HELZ: variants seen among roughly 807,000 people sequenced by gnomAD.
The protein encoded by HELZ is helicase with zinc finger.
Under a neutral mutation model 218.2 loss-of-function variants are expected in HELZ, and 23 were observed. The ratio of observed to expected loss-of-function variants is 0.11; its 90% confidence interval spans 0.08 to 0.15. HELZ has a LOEUF of 0.15. HELZ is among the 10% of genes least tolerant of loss of function. The pLI is 1.00. For synonymous variants in HELZ, 814 were observed against 829.4 expected (o/e 0.98, Z 0.32); for missense variants, 1,813 against 2,353.7 (o/e 0.77, Z 4.75).
Position 67,174,601 on chromosome 17 carries a change from C to A in HELZ, c.1430+4058G>T, listed in dbSNP as rs2039402916. Among the ~76,000 whole-genome samples the A allele has an allele frequency of 3.3e-5, 5 of 152,190 alleles. No individual in the cohort carries two copies. The South Asian group carries it at 1.0e-3, about 32-fold the overall frequency. On this transcript the variant is annotated intron_variant, in intron 13 of 32. Coordinates refer to ENST00000358691, the MANE Select transcript of HELZ (RefSeq NM_014877.4). Reference sequence around the variant, plus strand: ...ATCACCTGAGGTCAGGAGTTCAAGACCAGCCTGGCCAACATGGTGAAACCC... The same window carrying A: ...ATCACCTGAGGTCAGGAGTTCAAGAACAGCCTGGCCAACATGGTGAAACCC...
At chr17:67,092,386 C>T (rs1487877419) in intron 31 of HELZ, among the ~76,000 whole-genome samples, 2 of 151,798 alleles carry the variant, frequency 1.3e-5, no homozygotes, top group Non-Finnish European at 2.9e-5. Flanking sequence ...CAGAGGCTTG[C>T]CAACTAATAT....
At chr17:67,125,878 A>G (rs2143861640) in intron 24 of HELZ, among the ~76,000 whole-genome samples, 1 of 152,352 alleles carries the variant, frequency 6.6e-6, no homozygotes, top group East Asian at 1.9e-4. Context: ...AGGAAGTAAG[A>G]GAGATTCCCA....
chr17:67,232,359 G>A (rs1049771700), intron 3 of HELZ, among the ~76,000 whole-genome samples: 3 of 152,036 alleles, frequency 2.0e-5, no homozygotes, highest in Non-Finnish European at 2.9e-5. Flanking sequence ...TCACCATGTC[G>A]GCCAGGCCGG....
chr17:67,100,320 G>A (rs1002919288), intron 31 of HELZ, among the ~76,000 whole-genome samples: 1 of 152,166 alleles, frequency 6.6e-6, no homozygotes, highest in African/African-American at 2.4e-5. Context: ...ATAGTTCAAA[G>A]CAGACACATC....
intron 32 of HELZ, among the ~76,000 whole-genome samples, chr17:67,078,929 G>GAT (rs1325480637): frequency 1.3e-5 from 2 of 152,212 alleles, no homozygotes; most frequent in Non-Finnish European, 2.9e-5. Context: ...ACAGGCACAT[G>GAT]CTCTCTCTTA....
intron 31 of HELZ, among the ~76,000 whole-genome samples, chr17:67,094,102 G>A (rs967389226): frequency 1.3e-5 from 2 of 152,102 alleles, no homozygotes; most frequent in Admixed American, 6.6e-5. Flanking sequence ...TGGGCAGAGT[G>A]CTTAAGTTCA....
At chr17:67,234,836 C>G (rs2041135542) in intron 3 of HELZ, among the ~76,000 whole-genome samples, 1 of 152,046 alleles carries the variant, frequency 6.6e-6, no homozygotes, top group African/African-American at 2.4e-5. Flanking sequence ...ACATAACCCC[C>G]AGACTTCCCT....
chr17:67,192,670 T>C (rs1012007518), intron 9 of HELZ, among the ~76,000 whole-genome samples: 2 of 152,196 alleles, frequency 1.3e-5, no homozygotes, highest in African/African-American at 4.8e-5. Flanking sequence ...TTTTCAATAC[T>C]TACACATTAG....
Position 67,071,369 on chromosome 17 carries a change from C to CA in HELZ, c.*6882dup, listed in dbSNP as rs1168779937. ...TTCGCATACAAGTTATCGTGCAAAG[C>CA]AAAGTGTAAATAAACCGAAGCTCCC... is the stretch of plus-strand genomic sequence containing the variant. On this transcript the variant is annotated 3_prime_UTR_variant, in exon 33 of 33. Transcript: ENST00000358691. 6.6e-6 allele frequency: 1 copy of CA among 152,306 alleles called. No individual in the cohort carries two copies. The highest frequency in any genetic ancestry group is 1.5e-5 in the Non-Finnish European group (1 of 68,036). 9.4% of individuals were successfully genotyped at this position (152,306 alleles called of 1,614,324 possible).
chr17:67,150,048 T>C (rs921853892), intron 18 of HELZ, 63 bp from the exon 19 acceptor site: 11 of 929,914 alleles, frequency 1.2e-5, no homozygotes, highest in Admixed American at 6.4e-5. Context: ...AGAAGGACTA[T>C]AGTTATTTTC....
rs911579082 is a variant in HELZ at position 67,077,573 on chromosome 17, T to C, written c.*679A>G. 6.6e-6 allele frequency: 1 copy of C among 152,256 alleles called. No individual in the cohort carries two copies. The highest frequency in any genetic ancestry group is 2.4e-5 in the African/African-American group (1 of 41,366). 9.4% of individuals were successfully genotyped at this position (152,256 alleles called of 1,614,324 possible). On this transcript the variant is annotated 3_prime_UTR_variant, in exon 33 of 33. Coordinates refer to ENST00000358691, the MANE Select transcript of HELZ (RefSeq NM_014877.4). ...CAAAAAATAACTAAGTATGCCAACG[T>C]TTTTTTCACATTTCAAAAAACAGTG... is the stretch of plus-strand genomic sequence containing the variant.
chr17:67,141,112 C>A (rs2038308910), intron 21 of HELZ, among the ~76,000 whole-genome samples: 1 of 152,062 alleles, frequency 6.6e-6, no homozygotes, highest in African/African-American at 2.4e-5. Context: ...TGATACCGGA[C>A]AATAATTCAA....
intron 28 of HELZ, among the ~76,000 whole-genome samples, chr17:67,113,266 AT>A (rs879781514): frequency 4.2e-4 from 61 of 146,370 alleles, no homozygotes; most frequent in East Asian, 6.0e-4. Flanking sequence ...GGAGAGATTA[AT>A]TTTTTTTTTT....
In HELZ at chr17:67,070,457, A is replaced by T. The variant is rs1042879996; in HGVS notation, c.*7795T>A. The T allele has an allele frequency of 7.9e-5, 12 of 152,230 alleles. No homozygotes were observed. Among genetic ancestry groups the T allele is most frequent in the Admixed American group, 6.5e-5 (1 of 15,278 alleles). 9.4% of individuals were successfully genotyped at this position (152,230 alleles called of 1,614,324 possible). ...CACATCTCCAAATTATTAAAAAGGCATTTTATTATAAATACATTTTAGTTG... is the reference window on the plus strand; with the variant it reads ...CACATCTCCAAATTATTAAAAAGGCTTTTTATTATAAATACATTTTAGTTG... On this transcript the variant is annotated 3_prime_UTR_variant, in exon 33 of 33. Coordinates refer to ENST00000358691, the MANE Select transcript of HELZ (RefSeq NM_014877.4).
intron 5 of HELZ, among the ~76,000 whole-genome samples, chr17:67,213,904 A>G (rs1392505683): frequency 6.6e-6 from 1 of 152,210 alleles, no homozygotes; most frequent in Non-Finnish European, 1.5e-5. Context: ...TATGTAAGAA[A>G]GCAAGGTGCT....
intron 3 of HELZ, among the ~76,000 whole-genome samples, chr17:67,237,330 T>C (rs1422190325): frequency 6.6e-6 from 1 of 152,228 alleles, no homozygotes. Context: ...TAACATTTAT[T>C]ACTTTAACAA....
intron 24 of HELZ, among the ~76,000 whole-genome samples, chr17:67,124,969 CAAATTTGT>C (rs1377739094): frequency 6.6e-6 from 1 of 151,294 alleles, no homozygotes; most frequent in African/African-American, 2.4e-5. Context: ...TAGACACACA[CAAATTTGT>C]AAATTTGTAA....
intron 32 of HELZ, among the ~76,000 whole-genome samples, chr17:67,084,296 A>G (rs2036285974): frequency 6.6e-6 from 1 of 152,250 alleles, no homozygotes; most frequent in South Asian, 2.1e-4. Flanking sequence ...TTTGCTCAGG[A>G]ACTTTCTACC....
At chr17:67,084,383 C>T (rs2036288708) in intron 32 of HELZ, among the ~76,000 whole-genome samples, 1 of 152,168 alleles carries the variant, frequency 6.6e-6, no homozygotes, top group Admixed American at 6.5e-5. Flanking sequence ...AAGAAAGAGG[C>T]CGGGCGCGGT....
Sources: allele counts gnomAD v4.1 joint callset (sites outside exome capture counted in the v4.1 genomes callset), GRCh38; gene constraint gnomAD v4.1.1; transcripts MANE v1.5; gene names NCBI Gene and HGNC (gene_info 2026-07-23, HGNC 2026-07-21).